ZNF704: variants seen among roughly 807,000 people sequenced by gnomAD.
ZNF704 encodes the protein zinc finger protein 704.
Under a neutral mutation model 44.7 loss-of-function variants are expected in ZNF704, and 10 were observed. The ratio of observed to expected loss-of-function variants is 0.22; its 90% CI spans 0.14 to 0.38. The LOEUF is 0.38. ZNF704 is among the 10% of genes least tolerant of loss of function. ZNF704 has a pLI of 1.00. For missense variants in ZNF704, 390 were observed against 545.5 expected (o/e 0.71, Z 2.84); for synonymous variants, 211 against 207.6 (o/e 1.02, Z -0.14).
chr8:80,804,675 C>CA (rs1281502790), intron 2 of ZNF704, among the ~76,000 whole-genome samples: 3 of 151,936 alleles, frequency 2.0e-5, no homozygotes, highest in African/African-American at 7.3e-5. Flanking sequence ...TGGGGCCTGT[C>CA]AGAGTGGGAG....
At chr8:80,782,973 G>A (rs556110127) in intron 2 of ZNF704, among the ~76,000 whole-genome samples, 7 of 152,282 alleles carry the variant, frequency 4.6e-5, no homozygotes, top group Non-Finnish European at 1.0e-4. Flanking sequence ...CTGAGCTGTT[G>A]AAAACTGTGT....
At chr8:80,774,668 A>G (rs1563548886) in intron 2 of ZNF704, among the ~76,000 whole-genome samples, 1 of 152,184 alleles carries the variant, frequency 6.6e-6, no homozygotes, top group African/African-American at 2.4e-5. Context: ...ACACCTCCTT[A>G]GGGCTTCATA....
At chr8:80,807,250 G>T (rs1586041652) in intron 2 of ZNF704, among the ~76,000 whole-genome samples, 1 of 152,026 alleles carries the variant, frequency 6.6e-6, no homozygotes, top group African/African-American at 2.4e-5. Context: ...TCTCTTGCTT[G>T]CCCAGAGGGT....
chr8:80,865,381 T>C (rs1416033396), intron 1 of ZNF704, among the ~76,000 whole-genome samples: 1 of 152,210 alleles, frequency 6.6e-6, no homozygotes. Flanking sequence ...CCAGAGCCTG[T>C]GCCACATCAC....
chr8:80,785,110 T>A (rs1275558244), intron 2 of ZNF704, among the ~76,000 whole-genome samples: 2 of 152,206 alleles, frequency 1.3e-5, no homozygotes, highest in African/African-American at 4.8e-5. Flanking sequence ...TTACATTTAG[T>A]CTTTATGCCC....
At chr8:80,743,493 C>T (rs1806797387) in intron 2 of ZNF704, among the ~76,000 whole-genome samples, 15 of 152,196 alleles carry the variant, frequency 9.9e-5, no homozygotes, top group Admixed American at 9.8e-4. Context: ...TAAATGTTGT[C>T]TGGAGAGAGA....
At chr8:80,871,211 A>G (rs976638911) in intron 1 of ZNF704, among the ~76,000 whole-genome samples, 1 of 152,108 alleles carries the variant, frequency 6.6e-6, no homozygotes, top group Non-Finnish European at 1.5e-5. Flanking sequence ...ACTACAAATT[A>G]CCTTGTAAGA....
rs113555846 is a variant in ZNF704 at position 80,756,059 on chromosome 8, T to C, written c.222-62952A>G. The stretch of plus-strand genomic sequence containing the variant: ...GGGAGAGCAAGGCTGCAGTGAGAAG[T>C]GATCACGCCACTGCACTCCAGCCTG... On this transcript the variant is annotated intron_variant, in intron 2 of 8. Transcript: ENST00000327835. 3.3e-3 allele frequency among the ~76,000 whole-genome samples: 502 copies of C among 150,510 alleles called. 3 individuals carry two copies. The highest frequency in any genetic ancestry group is 0.012 in the African/African-American group (471 of 40,722).
chr8:80,737,658 CAT>C (rs1186968241), intron 2 of ZNF704, among the ~76,000 whole-genome samples: 1 of 152,146 alleles, frequency 6.6e-6, no homozygotes, highest in African/African-American at 2.4e-5. Context: ...AATTTGTGAA[CAT>C]ATGTTTTTAA....
chr8:80,864,720 C>T (rs1457998729), intron 1 of ZNF704, among the ~76,000 whole-genome samples: 1 of 152,164 alleles, frequency 6.6e-6, no homozygotes, highest in Non-Finnish European at 1.5e-5. Context: ...GATTACAAGT[C>T]TGAGACACCA....
At position 80,681,339 on chromosome 8, in the gene ZNF704, G is replaced by A. The variant is rs557151135; in HGVS notation, c.558+5887C>T. On this transcript the variant is annotated intron_variant, in intron 4 of 8. Coordinates refer to ENST00000327835, the MANE Select transcript of ZNF704 (RefSeq NM_001033723.3). The stretch of plus-strand genomic sequence containing the variant: ...GGTTGTACCATTTTACATTTCTACC[G>A]GCAATAAATGAGAGTTCCTGTTGCC... Among the ~76,000 whole-genome samples the A allele has an allele frequency of 4.6e-5, 7 of 152,226 alleles. No homozygotes were observed. The South Asian group carries it at 6.2e-4, about 14-fold the overall frequency.
chr8:80,848,188 C>T (rs1808797693), intron 1 of ZNF704, among the ~76,000 whole-genome samples: 1 of 152,064 alleles, frequency 6.6e-6, no homozygotes, highest in Non-Finnish European at 1.5e-5. Context: ...CTCAAAATGA[C>T]AAAATCATAG....
intron 1 of ZNF704, among the ~76,000 whole-genome samples, chr8:80,835,135 C>T (rs919537756): frequency 6.6e-6 from 1 of 152,064 alleles, no homozygotes; most frequent in Non-Finnish European, 1.5e-5. Flanking sequence ...AAGTTTCAAG[C>T]CTTTTATTTA....
rs1039165372 is a variant in ZNF704 at position 80,637,567 on chromosome 8, C to T, written c.*3799G>A. 6.6e-6 allele frequency: 1 copy of T among 152,158 alleles called. No homozygotes were observed. The highest frequency in any genetic ancestry group is 2.4e-5 in the African/African-American group (1 of 41,442). The allele number at this position is 152,158 out of a possible 1,614,324, so 9.4% of individuals were successfully genotyped here. ...AGTGCTCTTGAGATTTAATGGAGGA[C>T]ATTTCAGTTTCAAAAATCTTTTGCA... On this transcript the variant is annotated 3_prime_UTR_variant, in exon 9 of 9. Coordinates refer to ENST00000327835, the MANE Select transcript of ZNF704 (RefSeq NM_001033723.3).
chr8:80,697,629 ACT>A (rs1772426756), intron 2 of ZNF704, among the ~76,000 whole-genome samples: 1 of 152,222 alleles, frequency 6.6e-6, no homozygotes, highest in Non-Finnish European at 1.5e-5. Flanking sequence ...ACTTAAACTC[ACT>A]GTTTCCTTAT....
rs147747227 is a variant in ZNF704, at chr8:80,843,988, T to C, written c.-21-22373A>G. On this transcript the variant is annotated intron_variant, in intron 1 of 8. Coordinates refer to ENST00000327835, the MANE Select transcript of ZNF704 (RefSeq NM_001033723.3). ...ATATATGTGTATATATATATATATA[T>C]ATACACATACACACATGTATATGTG... Among the ~76,000 whole-genome samples, 718 of 147,732 alleles carry C rather than the reference T, an allele frequency of 4.9e-3. 5 individuals carry two copies. Among genetic ancestry groups the C allele is most frequent in the African/African-American group, 0.017 (691 of 39,834 alleles).
intron 2 of ZNF704, among the ~76,000 whole-genome samples, chr8:80,807,896 T>C (rs1359160453): frequency 6.6e-6 from 1 of 152,230 alleles, no homozygotes; most frequent in African/African-American, 2.4e-5. Flanking sequence ...CTGTTAAGCA[T>C]CTTTCTAGTT....
At chr8:80,745,692 C>T (rs1806832848) in intron 2 of ZNF704, among the ~76,000 whole-genome samples, 1 of 152,162 alleles carries the variant, frequency 6.6e-6, no homozygotes, top group Non-Finnish European at 1.5e-5. Flanking sequence ...TATTCCTCTG[C>T]AATTCCTCTT....
At chr8:80,717,575 A>G (rs999761449) in intron 2 of ZNF704, among the ~76,000 whole-genome samples, 5 of 152,202 alleles carry the variant, frequency 3.3e-5, no homozygotes. Flanking sequence ...CTCTTTGCCA[A>G]TCTGAACTCT....
Sources: allele counts gnomAD v4.1 joint callset (sites outside exome capture counted in the v4.1 genomes callset), GRCh38; gene constraint gnomAD v4.1.1; transcripts MANE v1.5; gene names NCBI Gene and HGNC (gene_info 2026-07-23, HGNC 2026-07-21).